The following GFOD1 variants were observed in gnomAD, a reference collection of about 807,000 sequenced individuals.
GFOD1 encodes glucose-fructose oxidoreductase domain-containing protein 1.
In GFOD1, 9 loss-of-function variants were observed where a neutral mutation model predicts 25.4. The observed-to-expected ratio is 0.35, with a 90% confidence interval of 0.21 to 0.62. The LOEUF is 0.62. GFOD1 is among the 20% of genes least tolerant of loss of function. The pLI is 0.72. For synonymous variants in GFOD1, 253 were observed against 245.6 expected (o/e 1.03, Z -0.28); for missense variants, 403 against 556.9 (o/e 0.72, Z 2.78).
chr6:13,484,129 G>C (rs1393040140), intron 1 of GFOD1, among the ~76,000 whole-genome samples: 1 of 152,102 alleles, frequency 6.6e-6, no homozygotes, highest in East Asian at 1.9e-4. Flanking sequence ...TTTCACTGTG[G>C]TCCCTAGACC....
intron 1 of GFOD1, among the ~76,000 whole-genome samples, chr6:13,451,773 G>A (rs538557430): frequency 2.8e-4 from 42 of 152,288 alleles, no homozygotes; most frequent in South Asian, 1.7e-3. Flanking sequence ...GGTTAAGGTC[G>A]GCAAACGAAT....
chr6:13,446,293 C>T (rs1758000863), intron 1 of GFOD1, among the ~76,000 whole-genome samples: 1 of 152,170 alleles, frequency 6.6e-6, no homozygotes, highest in Admixed American at 6.5e-5. Flanking sequence ...ACTTGCAATT[C>T]CCAAAACTGA....
chr6:13,396,082 T>C (rs1028166356), intron 1 of GFOD1, among the ~76,000 whole-genome samples: 1 of 152,244 alleles, frequency 6.6e-6, no homozygotes, highest in Non-Finnish European at 1.5e-5. Flanking sequence ...TTTGTTTGTT[T>C]TTAGTAACCA....
chr6:13,475,630 A>G (rs1758604352), intron 1 of GFOD1, among the ~76,000 whole-genome samples: 1 of 151,744 alleles, frequency 6.6e-6, no homozygotes, highest in African/African-American at 2.4e-5. Flanking sequence ...AGGCAGGAGA[A>G]TTGCTTGAAC....
chr6:13,423,278 A>G (rs1786292293), intron 1 of GFOD1, among the ~76,000 whole-genome samples: 1 of 142,518 alleles, frequency 7.0e-6, no homozygotes, highest in Non-Finnish European at 1.5e-5. Flanking sequence ...GGGATATTAA[A>G]TGTATTTTCA....
chr6:13,398,903 T>C (rs1785788453), intron 1 of GFOD1, among the ~76,000 whole-genome samples: 1 of 152,212 alleles, frequency 6.6e-6, no homozygotes, highest in African/African-American at 2.4e-5. Flanking sequence ...CACCAGTTGA[T>C]TTGACTCGTT....
chr6:13,453,409 T>C (rs1758132391), intron 1 of GFOD1, among the ~76,000 whole-genome samples: 1 of 152,234 alleles, frequency 6.6e-6, no homozygotes, highest in African/African-American at 2.4e-5. Flanking sequence ...TGAATAAATG[T>C]TTATCAAATG....
intron 1 of GFOD1, among the ~76,000 whole-genome samples, chr6:13,393,184 C>T (rs968768441): frequency 3.3e-5 from 5 of 151,828 alleles, no homozygotes; most frequent in East Asian, 1.9e-4. Flanking sequence ...GCTGAAACTC[C>T]GTTTCTACTA....
intron 1 of GFOD1, among the ~76,000 whole-genome samples, chr6:13,373,986 T>A (rs1785200780): frequency 6.6e-6 from 1 of 152,182 alleles, no homozygotes; most frequent in African/African-American, 2.4e-5. Context: ...TCTGATCTGC[T>A]CATAGCACAA....
chr6:13,410,747 T>C (rs946934510), intron 1 of GFOD1, among the ~76,000 whole-genome samples: 2 of 151,908 alleles, frequency 1.3e-5, no homozygotes, highest in Admixed American at 1.3e-4. Flanking sequence ...GTCAGTGTCA[T>C]GGGATCCCAG....
At chr6:13,482,878 T>C (rs929083365) in intron 1 of GFOD1, among the ~76,000 whole-genome samples, 2 of 151,810 alleles carry the variant, frequency 1.3e-5, no homozygotes, top group Non-Finnish European at 2.9e-5. Flanking sequence ...TGTATCTCTA[T>C]GTAAAATATA....
intron 1 of GFOD1, among the ~76,000 whole-genome samples, chr6:13,398,241 T>C (rs1785773830): frequency 6.6e-6 from 1 of 152,224 alleles, no homozygotes; most frequent in Non-Finnish European, 1.5e-5. Flanking sequence ...GGTATGTACA[T>C]ACCTTGCACA....
chr6:13,430,597 C>G lies in GFOD1; in HGVS notation c.253+56041G>C, dbSNP rs1757733074. On this transcript the variant is annotated intron_variant, in intron 1 of 1. Transcript: ENST00000379287. The surrounding 1 kb of genome is among the most constrained non-coding windows in gnomAD (Gnocchi z 4.1). The stretch of plus-strand genomic sequence containing the variant: ...TTCTCAACACTCCTATTATGGGGTT[C>G]CCATAGAGACGGGCAGCTTGTGTAC... Among the ~76,000 whole-genome samples, 1 of 152,130 alleles carries G rather than the reference C, an allele frequency of 6.6e-6. No homozygotes were observed. Among genetic ancestry groups the G allele is most frequent in the South Asian group, 2.1e-4 (1 of 4,820 alleles).
chr6:13,449,441 A>C (rs912616152), intron 1 of GFOD1, among the ~76,000 whole-genome samples: 2 of 152,168 alleles, frequency 1.3e-5, no homozygotes, highest in African/African-American at 4.8e-5. Context: ...ACAGAACAGA[A>C]CTCTATGGGT....
At position 13,365,846 on chromosome 6, in the gene GFOD1, G is replaced by T. The variant is rs1482418750; in HGVS notation, c.254-184C>A. On this transcript the variant is annotated intron_variant, in intron 1 of 1. Coordinates refer to ENST00000379287, the MANE Select transcript of GFOD1 (RefSeq NM_018988.4). The surrounding 1 kb of genome is among the most constrained non-coding windows in gnomAD (Gnocchi z 9.2). ...GAGGCCTTGAGCCCAGGAGTTGGAG[G>T]CCAGCCTGGGTAACACAGAGAGATC... is the stretch of plus-strand genomic sequence containing the variant. Among the ~76,000 whole-genome samples the T allele has an allele frequency of 6.6e-6, 1 of 150,498 alleles. No individual in the cohort carries two copies. Among genetic ancestry groups the T allele is most frequent in the Non-Finnish European group, 1.5e-5 (1 of 67,740 alleles).
chr6:13,430,992 C>T lies in GFOD1; in HGVS notation c.253+55646G>A, dbSNP rs918143961. Among the ~76,000 whole-genome samples, 5 of 152,186 alleles carry T rather than the reference C, an allele frequency of 3.3e-5. No individual in the cohort carries two copies. Among genetic ancestry groups the T allele is most frequent in the African/African-American group, 1.2e-4 (5 of 41,430 alleles). On this transcript the variant is annotated intron_variant, in intron 1 of 1. Transcript: ENST00000379287. This position sits in a 1 kb window ranked among gnomAD's most constrained non-coding sequence, Gnocchi z 4.1. ...CTGCCATATTTATACATCGGGAAAC[C>T]GAGGCATAAAGAAAGCAGTGAAGGC...
intron 1 of GFOD1, among the ~76,000 whole-genome samples, chr6:13,386,060 C>CT (rs5874414): frequency 0.26 from 32,962 of 127,934 alleles, 4,883 homozygotes; most frequent in Non-Finnish European, 0.36. Flanking sequence ...TGGGTAATTC[C>CT]TTTTTTTTTT....
chr6:13,486,464 C>T (rs973574235), intron 1 of GFOD1, 174 bp downstream of exon 1: 8 of 643,448 alleles, frequency 1.2e-5, no homozygotes, highest in Non-Finnish European at 1.9e-5. Flanking sequence ...GTGGGGAAGG[C>T]CGGGGACGAG....
chr6:13,419,116 C>T (rs1584640327), intron 1 of GFOD1, among the ~76,000 whole-genome samples: 2 of 152,238 alleles, frequency 1.3e-5, no homozygotes, highest in East Asian at 1.9e-4. Flanking sequence ...TTGCTGAAGT[C>T]CAGGTTGCCA....
Sources: gnomAD v4.1 joint callset for allele counts (sites outside exome capture counted in the v4.1 genomes callset) on GRCh38, gnomAD v4.1.1 for gene constraint, Gnocchi (gnomAD v3.1) non-coding constraint, MANE v1.5 for transcripts, NCBI Gene and HGNC (gene_info 2026-07-23, HGNC 2026-07-21) for gene names.